PRMT3: variants seen among roughly 807,000 people sequenced by gnomAD.
PRMT3 encodes protein arginine methyltransferase 3, also known as protein arginine N-methyltransferase 3.
A neutral mutation model predicts 71.9 loss-of-function variants in PRMT3; 62 were observed. The ratio of observed to expected loss-of-function variants is 0.86; its 90% CI spans 0.70 to 1.07. PRMT3 has a LOEUF of 1.07. PRMT3 is among the 50% of genes least tolerant of loss of function. PRMT3 has a pLI of 0.00. For missense variants in PRMT3, 663 were observed against 643.0 expected, an observed-to-expected ratio of 1.03 and a Z score of -0.34; for synonymous variants, 213 against 220.4, an observed-to-expected ratio of 0.97 and a Z score of 0.30.
At chr11:20,394,800 C>T (rs1049266092) in intron 5 of PRMT3, among the ~76,000 whole-genome samples, 1 of 152,158 alleles carries the variant, frequency 6.6e-6, no homozygotes, top group Non-Finnish European at 1.5e-5. Flanking sequence ...TTTAATTCCA[C>T]ACAAGAGTGA....
At chr11:20,400,459 A>G (rs1422826084) in intron 7 of PRMT3, among the ~76,000 whole-genome samples, 1 of 152,202 alleles carries the variant, frequency 6.6e-6, no homozygotes, top group Non-Finnish European at 1.5e-5. Context: ...AAGAAGAGTC[A>G]TCATTGGCTA....
chr11:20,441,770 T>C (rs1165947511), intron 10 of PRMT3, among the ~76,000 whole-genome samples: 1 of 151,138 alleles, frequency 6.6e-6, no homozygotes, highest in Non-Finnish European at 1.5e-5. Context: ...TCATATAACC[T>C]ACCTACAATA....
chr11:20,394,264 C>T (rs1027941975), intron 5 of PRMT3, among the ~76,000 whole-genome samples: 1 of 152,140 alleles, frequency 6.6e-6, no homozygotes, highest in African/African-American at 2.4e-5. Flanking sequence ...TTGTGAAATT[C>T]ACTAACTACA....
chr11:20,464,473 A>G lies in PRMT3; in HGVS notation c.1274A>G (p.His425Arg), dbSNP rs1189336660. ...TTTAATGGGTAGCATATAGATTGCC[A>G]TACGACGTCTATCTCAGATTTGGAA... The part of the protein sequence containing the change: ...EPCGIKHIDC[H>R]TTSISDLEFS... Residue 425 changes from histidine to arginine, a missense_variant, in exon 13 of 16, where the codon CAT (histidine) becomes CGT (arginine). Coordinates refer to ENST00000331079, the MANE Select transcript of PRMT3 (RefSeq NM_005788.4). 1 of 1,610,204 alleles carries G rather than the reference A, an allele frequency of 6.2e-7. No homozygotes were observed. The highest frequency in any genetic ancestry group is 2.2e-5 in the East Asian group (1 of 44,582).
rs758236419 is a variant in PRMT3, at chr11:20,387,913, G to A, written c.29-106G>A. On this transcript the variant is annotated intron_variant, in intron 1 of 15. Coordinates refer to ENST00000331079, the MANE Select transcript of PRMT3 (RefSeq NM_005788.4). This position sits in a 1 kb window ranked among gnomAD's most constrained non-coding sequence, Gnocchi z 4.3. ...GATCATGAAGGAGGTGCTGAGTGAGGGCCGCGGGCGAACGGGGCGGAGGAG... is the reference window on the plus strand; with the variant it reads ...GATCATGAAGGAGGTGCTGAGTGAGAGCCGCGGGCGAACGGGGCGGAGGAG... 1 of 1,572,006 alleles carries A rather than the reference G, an allele frequency of 6.4e-7. No homozygotes were observed. Among genetic ancestry groups the A allele is most frequent in the Non-Finnish European group, 8.6e-7 (1 of 1,157,896 alleles).
chr11:20,478,235 C>A (rs1850844327), intron 13 of PRMT3, among the ~76,000 whole-genome samples: 2 of 152,102 alleles, frequency 1.3e-5, no homozygotes, highest in African/African-American at 4.8e-5. Flanking sequence ...GAGTGAGGGT[C>A]TTTTGCAACC....
At chr11:20,392,167 A>G in intron 3 of PRMT3, 44 bp from the exon 4 acceptor site, 1 of 1,546,062 alleles carries the variant, frequency 6.5e-7, no homozygotes, top group Non-Finnish European at 8.8e-7. Flanking sequence ...GTTAAACAAA[A>G]CTCATTATGT....
rs565977772 is a variant in PRMT3, at chr11:20,462,409, G to C, written c.1260+242G>C. ...TTTACAGTCCTTCAAATCTAACTCT[G>C]AACCGGTTGAATAATTTATATTTAC... On this transcript the variant is annotated intron_variant, in intron 12 of 15. Transcript: ENST00000331079. Among the ~76,000 whole-genome samples, 17 of 152,136 alleles carry C rather than the reference G, an allele frequency of 1.1e-4. No homozygotes were observed. The South Asian group carries it at 3.5e-3, about 32-fold the overall frequency.
intron 8 of PRMT3, chr11:20,405,624 C>T (rs1849053146): frequency 6.6e-6 from 1 of 152,084 alleles, no homozygotes; most frequent in Non-Finnish European, 1.5e-5. Context: ...CATACACATA[C>T]ACATATATGC....
intron 15 of PRMT3, among the ~76,000 whole-genome samples, chr11:20,507,200 C>T (rs1477919633): frequency 6.6e-6 from 1 of 152,190 alleles, no homozygotes; most frequent in Non-Finnish European, 1.5e-5. Context: ...GAAACCTTGC[C>T]TTTAACTGCC....
At position 20,408,125 on chromosome 11, in the gene PRMT3, C is replaced by T. The variant is rs1051641188; in HGVS notation, c.893+93C>T. The T allele has an allele frequency of 1.0e-5, 9 of 868,242 alleles. No individual in the cohort carries two copies. In the East Asian group the frequency reaches 1.9e-4, roughly 18 times the overall value. 53.8% of individuals were successfully genotyped at this position (868,242 alleles called of 1,614,324 possible). A position where few individuals can be genotyped will look rare whatever the true frequency, so the allele number is the denominator to read the frequency against. On this transcript the variant is annotated intron_variant, in intron 9 of 15. Transcript: ENST00000331079. ...GTCTTTAGTAGCTATCTAAGGCAGA[C>T]TAAAGACATTTGTCTTTTAGTAAAA...
At chr11:20,487,707 T>C (rs1198814576) in intron 13 of PRMT3, among the ~76,000 whole-genome samples, 1 of 152,172 alleles carries the variant, frequency 6.6e-6, no homozygotes, top group Non-Finnish European at 1.5e-5. Context: ...TAAATTTCAA[T>C]GAATATGGGT....
chr11:20,469,668 A>C (rs1360728453), intron 13 of PRMT3, among the ~76,000 whole-genome samples: 1 of 152,190 alleles, frequency 6.6e-6, no homozygotes, highest in South Asian at 2.1e-4. Flanking sequence ...ATCCAAAAGC[A>C]TTTCCTTTGA....
At chr11:20,396,620 A>T (rs941205116) in intron 6 of PRMT3, among the ~76,000 whole-genome samples, 1 of 152,078 alleles carries the variant, frequency 6.6e-6, no homozygotes, top group Admixed American at 6.5e-5. Context: ...CCTGGGCAAC[A>T]GAGCAAGACT....
At chr11:20,492,695 G>T (rs894273621) in intron 13 of PRMT3, among the ~76,000 whole-genome samples, 1 of 152,136 alleles carries the variant, frequency 6.6e-6, no homozygotes, top group Non-Finnish European at 1.5e-5. Flanking sequence ...GAAAGAAAAT[G>T]GAATGGTATT....
Position 20,387,872 on chromosome 11 carries a change from G to T in PRMT3, c.28+98G>T. The T allele has an allele frequency of 6.5e-7, 1 of 1,535,900 alleles. No individual in the cohort carries two copies. The highest frequency in any genetic ancestry group is 8.8e-7 in the Non-Finnish European group (1 of 1,140,616). On this transcript the variant is annotated intron_variant, in intron 1 of 15. Transcript: ENST00000331079. This position sits in a 1 kb window ranked among gnomAD's most constrained non-coding sequence, Gnocchi z 4.3. The stretch of plus-strand genomic sequence containing the variant: ...CCTCCGGGACACGGGCCCGGGCAGG[G>T]TGGGGGGCTCGCAGGGATCATGAAG...
At chr11:20,447,598 C>G (rs1850059487) in intron 10 of PRMT3, among the ~76,000 whole-genome samples, 1 of 152,084 alleles carries the variant, frequency 6.6e-6, no homozygotes, top group Admixed American at 6.6e-5. Flanking sequence ...TGACAGTATA[C>G]TTTGTTACAT....
chr11:20,461,250 A>G (rs2133400239), intron 11 of PRMT3, among the ~76,000 whole-genome samples: 1 of 151,880 alleles, frequency 6.6e-6, no homozygotes, highest in South Asian at 2.1e-4. Context: ...CCCACTCCCA[A>G]CTTACTGGGC....
intron 9 of PRMT3, among the ~76,000 whole-genome samples, chr11:20,414,474 C>T (rs1376069361): frequency 6.6e-6 from 1 of 152,138 alleles, no homozygotes; most frequent in African/African-American, 2.4e-5. Flanking sequence ...ATACTTTGAA[C>T]TCTGCAGTGA....
Sources: allele counts gnomAD v4.1 joint callset (sites outside exome capture counted in the v4.1 genomes callset), GRCh38; gene constraint gnomAD v4.1.1; non-coding constraint Gnocchi (gnomAD v3.1); transcripts MANE v1.5; gene names NCBI Gene and HGNC (gene_info 2026-07-23, HGNC 2026-07-21).